SH2D3A: variants seen among roughly 807,000 people sequenced by gnomAD.
SH2D3A encodes SH2 domain containing 3A.
Under a neutral mutation model 50.6 loss-of-function variants are expected in SH2D3A, and 46 were observed. That is an observed-to-expected ratio of 0.91 (90% CI 0.72 to 1.16). SH2D3A has a LOEUF of 1.16. Ranked by LOEUF, SH2D3A falls within the 50% of genes most tolerant of loss-of-function variation. The pLI is 0.00. For synonymous variants in SH2D3A, 377 were observed against 348.4 expected (o/e 1.08, Z -0.91); for missense variants, 783 against 786.2 (o/e 1.00, Z 0.05).
Position 6,756,377 on chromosome 19 carries a change from C to T in SH2D3A, c.497-1062G>A, listed in dbSNP as rs371730928. ...AAAGTATAAAAAATTCACAAAGCTG[C>T]GTATGGTATGACACTCAGATAAGTG... On this transcript the variant is annotated intron_variant, in intron 4 of 9. Transcript: ENST00000245908. Among the ~76,000 whole-genome samples the T allele has an allele frequency of 4.9e-4, 74 of 151,292 alleles. 4 individuals are homozygous for T. The South Asian group carries it at 0.011, about 23-fold the overall frequency.
Position 6,754,875 on chromosome 19 carries a change from G to A in SH2D3A, c.937C>T (p.His313Tyr). ...AGGTGAAGGGCGGTGCTCCCAGGAT[G>A]GTGCTCCAGGAACAGGCCACGGAGG... ...HTLRGLFLEHHPGSTALHLLL... is the reference protein window; with the variant it reads ...HTLRGLFLEHYPGSTALHLLL... The change falls in exon 5 of 10, where the codon CAT becomes TAT. Residue 313 changes from histidine to tyrosine, a missense_variant. By Grantham distance (83) the His-to-Tyr change is moderately conservative (BLOSUM62 2). Coordinates refer to ENST00000245908, the MANE Select transcript of SH2D3A (RefSeq NM_005490.3). The A allele has an allele frequency of 6.3e-7, 1 of 1,599,038 alleles. No individual in the cohort carries two copies. Among genetic ancestry groups the A allele is most frequent in the Non-Finnish European group, 8.5e-7 (1 of 1,170,900 alleles).
At chr19:6,762,318 G>A (rs1970068478) in intron 2 of SH2D3A, among the ~76,000 whole-genome samples, 1 of 151,732 alleles carries the variant, frequency 6.6e-6, no homozygotes, top group South Asian at 2.1e-4. Context: ...CGAGTAGCTG[G>A]GATTACAGGT....
At chr19:6,762,315 C>T (rs1220376440) in intron 2 of SH2D3A, among the ~76,000 whole-genome samples, 1 of 151,912 alleles carries the variant, frequency 6.6e-6, no homozygotes, top group Non-Finnish European at 1.5e-5. Flanking sequence ...TCCCGAGTAG[C>T]TGGGATTACA....
At chr19:6,759,484 TA>T in intron 4 of SH2D3A, 109 bp downstream of exon 4, 2 of 917,068 alleles carry the variant, frequency 2.2e-6, no homozygotes, top group Non-Finnish European at 3.4e-6. Context: ...CATCATTTTC[TA>T]AAGCAAGAAA....
chr19:6,760,081 A>T (rs1969920686), intron 3 of SH2D3A, among the ~76,000 whole-genome samples: 1 of 151,234 alleles, frequency 6.6e-6, no homozygotes, highest in Non-Finnish European at 1.5e-5. Context: ...TCTACTAAAA[A>T]TACAAAAAAT....
In SH2D3A at chr19:6,754,371, C is replaced by T. The variant is rs759895225; in HGVS notation, c.1152G>A (p.Pro384=). The change falls in exon 7 of 10, where the codon CCG becomes CCA. Residue 384 remains proline (P), a synonymous_variant. Coordinates refer to ENST00000245908, the MANE Select transcript of SH2D3A (RefSeq NM_005490.3). ...TCAGTGCGGCTGCGCGCTCCTCCAG[C>T]GGCCCCGAGCAGCCCAGCACCGCCA... ...GALAVLGCSG[P]LEERAAALRG... 2 of 1,555,502 alleles carry T rather than the reference C, an allele frequency of 1.3e-6. No homozygotes were observed. The highest frequency in any genetic ancestry group is 2.7e-5 in the African/African-American group (2 of 73,942).
At chr19:6,762,754 A>G (rs1486457719) in intron 2 of SH2D3A, among the ~76,000 whole-genome samples, 1 of 148,636 alleles carries the variant, frequency 6.7e-6, no homozygotes, top group Non-Finnish European at 1.5e-5. Flanking sequence ...CCTGACCTCA[A>G]GTGATCCTCC....
intron 4 of SH2D3A, chr19:6,759,110 G>A (rs1599587481): frequency 6.2e-6 from 1 of 162,526 alleles, no homozygotes; most frequent in Non-Finnish European, 1.3e-5. Flanking sequence ...TGGAATAATT[G>A]TAAACACTTT....
intron 5 of SH2D3A, 29 bp downstream of exon 5, chr19:6,754,801 TG>T: frequency 1.2e-6 from 2 of 1,612,410 alleles, no homozygotes; most frequent in Non-Finnish European, 1.7e-6. Context: ...GCCCTGGGCC[TG>T]GGGAGGAGCA....
rs780377852 is a variant in SH2D3A at position 6,760,755 on chromosome 19, G to A, written c.302C>T (p.Pro101Leu). 5.0e-6 allele frequency: 8 copies of A among 1,614,210 alleles called. No homozygotes were observed. The highest frequency in any genetic ancestry group is 6.8e-6 in the Non-Finnish European group (8 of 1,180,026). The change falls in exon 3 of 10, where the codon CCA becomes CTA. Residue 101 changes from proline to leucine, a missense_variant. Transcript: ENST00000245908. ...LVHSYMTGRRPLSQATGAVVS... is the reference protein window; with the variant it reads ...LVHSYMTGRRLLSQATGAVVS... Reference sequence around the variant, plus strand: ...CACAGCCCCTGTGGCCTGGGACAGTGGGCGCCTGCCTGTCATATAACTGTG... The same window carrying A: ...CACAGCCCCTGTGGCCTGGGACAGTAGGCGCCTGCCTGTCATATAACTGTG...
chr19:6,760,961 A>G lies in SH2D3A; in HGVS notation c.96T>C (p.Asn32=). The change falls in exon 3 of 10, where the codon AAT becomes AAC. Residue 32 remains asparagine (N), a synonymous_variant. Transcript: ENST00000245908. ...RQKAEALLQQ[N]GDFLVRASGS... ...CAGAGGCGCGAACCAGGAAGTCGCC[A>G]TTTTGCTGAAGAAGAGCTTCAGCCT... 1 of 1,612,442 alleles carries G rather than the reference A, an allele frequency of 6.2e-7. No homozygotes were observed. Among genetic ancestry groups the G allele is most frequent in the Admixed American group, 1.7e-5 (1 of 59,860 alleles).
At chr19:6,762,767 C>G (rs1307974546) in intron 2 of SH2D3A, among the ~76,000 whole-genome samples, 1 of 151,022 alleles carries the variant, frequency 6.6e-6, no homozygotes, top group African/African-American at 2.4e-5. Context: ...GATCCTCCTG[C>G]CTCAGCCTCC....
At chr19:6,763,500 T>G (rs1970140608) in intron 2 of SH2D3A, among the ~76,000 whole-genome samples, 180 bp downstream of exon 2, 1 of 152,100 alleles carries the variant, frequency 6.6e-6, no homozygotes, top group Admixed American at 6.6e-5. Context: ...CCAAAGAAAG[T>G]GATAATTTAA....
intron 3 of SH2D3A, among the ~76,000 whole-genome samples, chr19:6,759,904 A>G (rs1333323859): frequency 6.6e-6 from 1 of 152,130 alleles, no homozygotes; most frequent in Non-Finnish European, 1.5e-5. Context: ...TGCACAGGAC[A>G]TCTCCACCTC....
At position 6,765,747 on chromosome 19, in the gene SH2D3A, C is replaced by CAAA. The variant is rs397945080; in HGVS notation, c.-69+1637_-69+1639dup. ...TGGGTGACAGAGCAAGACTCCGTCTCAAAAAAAAAAAAAAAAAAAAGAATG... is the reference window on the plus strand; with the variant it reads ...TGGGTGACAGAGCAAGACTCCGTCTCAAAAAAAAAAAAAAAAAAAAAAAGAATG... On this transcript the variant is annotated intron_variant, in intron 1 of 9. Transcript: ENST00000245908. Among the ~76,000 whole-genome samples, 132 of 63,172 alleles carry CAAA rather than the reference C, an allele frequency of 2.1e-3. 1 individual carries two copies. In the South Asian group the frequency reaches 0.023, roughly 11 times the overall value. 41.4% of individuals were successfully genotyped at this position (63,172 alleles called of 152,430 possible). A position where few individuals can be genotyped will look rare whatever the true frequency, so the allele number is the denominator to read the frequency against.
At chr19:6,753,734 G>T in intron 8 of SH2D3A, 93 bp from the exon 9 acceptor site, 1 of 1,300,546 alleles carries the variant, frequency 7.7e-7, no homozygotes, top group East Asian at 2.6e-5. Context: ...GCGGGGCTTA[G>T]GACTGAGCGA....
At chr19:6,753,960 A>C (rs1054949986) in intron 8 of SH2D3A, 92 bp downstream of exon 8, 1 of 1,418,446 alleles carries the variant, frequency 7.0e-7, no homozygotes, top group African/African-American at 1.4e-5. Flanking sequence ...CGGGCCTAGA[A>C]CAGATGCAGG....
Position 6,755,089 on chromosome 19 carries a change from G to A in SH2D3A, c.723C>T (p.Val241=), listed in dbSNP as rs1339622683. 1.9e-6 allele frequency: 3 copies of A among 1,614,030 alleles called. No homozygotes were observed. Among genetic ancestry groups the A allele is most frequent in the Non-Finnish European group, 2.5e-6 (3 of 1,179,982 alleles). The change falls in exon 5 of 10, where the codon GTC becomes GTT. Residue 241 remains valine, a synonymous_variant. Coordinates refer to ENST00000245908, the MANE Select transcript of SH2D3A (RefSeq NM_005490.3). ...AGCTTTGGCTCGGGGATGTTCCCTG[G>A]ACACTGGGCACTCGGGGCACCAGCT... ...YCELVPRVPS[V]QGTSPSQSCP... is the part of the protein sequence containing the mutation.
At chr19:6,761,592 G>A (rs1313801782) in intron 2 of SH2D3A, among the ~76,000 whole-genome samples, 2 of 152,140 alleles carry the variant, frequency 1.3e-5, no homozygotes, top group Non-Finnish European at 2.9e-5. Flanking sequence ...CCAGATTGGG[G>A]CCCCCTCTTT....
Sources: gnomAD v4.1 joint callset for allele counts (sites outside exome capture counted in the v4.1 genomes callset) on GRCh38, gnomAD v4.1.1 for gene constraint, MANE v1.5 for transcripts, NCBI Gene and HGNC (gene_info 2026-07-23, HGNC 2026-07-21) for gene names.